TBC1D5: variants seen among roughly 807,000 people sequenced by gnomAD.
TBC1D5 encodes TBC1 domain family member 5.
In TBC1D5, 75 loss-of-function variants were observed where a neutral mutation model predicts 100.3. That is an observed-to-expected ratio of 0.75 (90% CI 0.62 to 0.91). TBC1D5 has a LOEUF of 0.91. Among genes scored for constraint, TBC1D5 ranks in the 40% least tolerant of loss-of-function variants. The probability of loss-of-function intolerance (pLI) is 0.00; values close to 1 mark genes in which losing one functional copy is unlikely to be tolerated. For synonymous variants in TBC1D5, 323 were observed against 325.6 expected (o/e 0.99, Z 0.09); for missense variants, 910 against 942.4 (o/e 0.97, Z 0.45).
intron 17 of TBC1D5, among the ~76,000 whole-genome samples, chr3:17,230,606 A>G (rs997491347): frequency 2.6e-5 from 4 of 152,082 alleles, no homozygotes; most frequent in Admixed American, 6.6e-5. Context: ...TAACCTTTTT[A>G]TATTTAAAAT....
chr3:17,682,055 G>A (rs759250922), intron 1 of TBC1D5, among the ~76,000 whole-genome samples: 8 of 151,254 alleles, frequency 5.3e-5, no homozygotes, highest in African/African-American at 7.4e-5. Context: ...TCCCCCCACC[G>A]TCCATATAAA....
intron 8 of TBC1D5, among the ~76,000 whole-genome samples, chr3:17,398,539 GAAC>G (rs1301118203): frequency 6.6e-6 from 1 of 152,036 alleles, no homozygotes; most frequent in Non-Finnish European, 1.5e-5. Flanking sequence ...TACTAAAATT[GAAC>G]AACACTGATC....
At chr3:17,370,960 A>G (rs1000622317) in intron 13 of TBC1D5, among the ~76,000 whole-genome samples, 2 of 152,124 alleles carry the variant, frequency 1.3e-5, no homozygotes, top group African/African-American at 4.8e-5. Flanking sequence ...ATGTTCTACT[A>G]TTTCAATATA....
At chr3:17,407,634 T>A (rs928188094) in intron 4 of TBC1D5, among the ~76,000 whole-genome samples, 1 of 152,108 alleles carries the variant, frequency 6.6e-6, no homozygotes, top group Non-Finnish European at 1.5e-5. Flanking sequence ...TACACAAAAA[T>A]TTCAAAACTT....
exon 22 of TBC1D5, chr3:17,158,573 T>TTGTA (rs1266370504): frequency 3.3e-5 from 5 of 152,278 alleles, no homozygotes; most frequent in African/African-American, 1.2e-4. Flanking sequence ...CCCACTGTCC[T>TTGTA]TGTATGTCTC....
chr3:17,331,091 G>C, intron 13 of TBC1D5, among the ~76,000 whole-genome samples: 1 of 151,936 alleles, frequency 6.6e-6, no homozygotes, highest in East Asian at 1.9e-4. Flanking sequence ...CCCTTAATGT[G>C]TCCCTGCAAT....
rs1294935183 is a variant in TBC1D5 at position 17,369,120 on chromosome 3, T to C, written c.995+2955A>G. 2.6e-5 allele frequency among the ~76,000 whole-genome samples: 4 copies of C among 152,280 alleles called. No homozygotes were observed. In the East Asian group the frequency reaches 7.7e-4, roughly 29 times the overall value. On this transcript the variant is annotated intron_variant, in intron 13 of 21. Coordinates refer to ENST00000253692, the Ensembl canonical transcript of TBC1D5. ...ATTATTCTGCCAAACTATATGATCA[T>C]TTCTAAAAGTTTACTCCCAACTTCT... is the stretch of plus-strand genomic sequence containing the variant.
intron 13 of TBC1D5, among the ~76,000 whole-genome samples, chr3:17,367,464 A>G (rs528845272): frequency 6.6e-6 from 1 of 152,316 alleles, no homozygotes; most frequent in African/African-American, 2.4e-5. Context: ...TGCAGTCAAT[A>G]TTTTACTTTG....
At chr3:17,475,419 T>C (rs1346273043) in intron 3 of TBC1D5, among the ~76,000 whole-genome samples, 1 of 152,096 alleles carries the variant, frequency 6.6e-6, no homozygotes, top group Non-Finnish European at 1.5e-5. Context: ...CTTTAGTAAA[T>C]GATATCATCT....
At chr3:17,670,967 G>A (rs532854711) in intron 1 of TBC1D5, among the ~76,000 whole-genome samples, 79 of 152,128 alleles carry the variant, frequency 5.2e-4, no homozygotes, top group Non-Finnish European at 8.7e-4. Context: ...TCACAAAACC[G>A]TCTAAAATAA....
At chr3:17,409,848 T>C (rs1187875117) in intron 4 of TBC1D5, among the ~76,000 whole-genome samples, 2 of 152,138 alleles carry the variant, frequency 1.3e-5, no homozygotes, top group Non-Finnish European at 2.9e-5. Flanking sequence ...TCACGAAGTT[T>C]AAGAAAAGAA....
intron 19 of TBC1D5, among the ~76,000 whole-genome samples, chr3:17,170,846 A>C (rs2067108034): frequency 6.6e-6 from 1 of 152,196 alleles, no homozygotes; most frequent in African/African-American, 2.4e-5. Context: ...AGAGAAACTA[A>C]GTGTGGGCAT....
chr3:17,236,515 C>T (rs1460149614), intron 17 of TBC1D5, among the ~76,000 whole-genome samples: 1 of 148,414 alleles, frequency 6.7e-6, no homozygotes, highest in African/African-American at 2.5e-5. Context: ...GAGATGGAGT[C>T]TGGCTCTGTT....
intron 2 of TBC1D5, among the ~76,000 whole-genome samples, chr3:17,554,752 C>CCTTTCTTTCCAT (rs1452380923): frequency 6.6e-6 from 1 of 152,128 alleles, no homozygotes; most frequent in Admixed American, 6.5e-5. Flanking sequence ...CTACTTTCTC[C>CCTTTCTTTCCAT]CTAAAATCTT....
intron 13 of TBC1D5, among the ~76,000 whole-genome samples, chr3:17,363,583 T>C (rs979154285): frequency 6.6e-6 from 1 of 151,718 alleles, no homozygotes; most frequent in Non-Finnish European, 1.5e-5. Flanking sequence ...TTTATTTTTA[T>C]TTTTTGGGTA....
intron 15 of TBC1D5, among the ~76,000 whole-genome samples, chr3:17,282,846 T>A (rs984345655): frequency 1.2e-4 from 19 of 152,236 alleles, no homozygotes; most frequent in Non-Finnish European, 2.1e-4. Flanking sequence ...AAACATTATA[T>A]AAATTAATGC....
intron 14 of TBC1D5, 91 bp from the exon 15 acceptor site, chr3:17,292,092 T>A: frequency 1.8e-6 from 2 of 1,105,834 alleles, no homozygotes; most frequent in Non-Finnish European, 2.6e-6. Flanking sequence ...TAAGAGTCAA[T>A]GAAAGCAAAC....
At chr3:17,648,649 C>T (rs913306336) in intron 1 of TBC1D5, among the ~76,000 whole-genome samples, 1 of 151,834 alleles carries the variant, frequency 6.6e-6, no homozygotes, top group Non-Finnish European at 1.5e-5. Flanking sequence ...ACAAACAACA[C>T]CACTGAAAAG....
At chr3:17,347,989 C>T (rs1009506477) in intron 13 of TBC1D5, among the ~76,000 whole-genome samples, 8 of 139,480 alleles carry the variant, frequency 5.7e-5, no homozygotes, top group East Asian at 1.9e-4. Flanking sequence ...GGTGACAGAG[C>T]GAGACCCTGT....
Sources: allele counts gnomAD v4.1 joint callset (sites outside exome capture counted in the v4.1 genomes callset), GRCh38; gene constraint gnomAD v4.1.1; transcripts MANE v1.5; gene names NCBI Gene and HGNC (gene_info 2026-07-23, HGNC 2026-07-21).